BRD3OS: variants seen among roughly 807,000 people sequenced by gnomAD.
BRD3OS encodes the protein uncharacterized protein BRD3OS.
Position 134,030,092 on chromosome 9 carries a change from C to T in BRD3OS, c.*3090C>T, listed in dbSNP as rs1173292346. 1 of 152,220 alleles carries T rather than the reference C, an allele frequency of 6.6e-6. No homozygotes were observed. Among genetic ancestry groups the T allele is most frequent in the Non-Finnish European group, 1.5e-5 (1 of 68,080 alleles). The allele number at this position is 152,220 out of a possible 1,614,324, so 9.4% of individuals were successfully genotyped here. A position where few individuals can be genotyped will look rare whatever the true frequency, so the allele number is the denominator to read the frequency against. ...TGATCACAGGCACGAGCCACTGCAT[C>T]CTGCCTTTAAATGGTTTTTTGGGGC... On this transcript the variant is annotated 3_prime_UTR_variant, in exon 3 of 3. Transcript: ENST00000603928.
Position 134,026,693 on chromosome 9 carries a change from G to A in BRD3OS, c.-55G>A. 1 of 398,370 alleles carries A rather than the reference G, an allele frequency of 2.5e-6. No individual in the cohort carries two copies. Among genetic ancestry groups the A allele is most frequent in the Non-Finnish European group, 4.4e-6 (1 of 226,036 alleles). The allele number at this position is 398,370 out of a possible 1,614,324, so 24.7% of individuals were successfully genotyped here. On this transcript the variant is annotated 5_prime_UTR_variant, in exon 3 of 3. In the 5' UTR this introduces an upstream ATG that the reference lacks. Transcript: ENST00000603928. This position sits in a 1 kb window ranked among gnomAD's most constrained non-coding sequence, Gnocchi z 4.4. ...AAAGCTGTCCGTTAATTTAGTGCGCGTGGGCCGTCTCAGAACAGCAGGGTT... is the reference window on the plus strand; with the variant it reads ...AAAGCTGTCCGTTAATTTAGTGCGCATGGGCCGTCTCAGAACAGCAGGGTT...
In BRD3OS at chr9:134,028,289, T is replaced by G. The variant is rs1843457053; in HGVS notation, c.*1287T>G. 6.6e-6 allele frequency: 1 copy of G among 152,292 alleles called. No individual in the cohort carries two copies. Among genetic ancestry groups the G allele is most frequent in the Admixed American group, 6.5e-5 (1 of 15,294 alleles). The allele number at this position is 152,292 out of a possible 1,614,324, so 9.4% of individuals were successfully genotyped here. ...GGATGCGTCCCACAGCTCCTCAGCA[T>G]GCACACACGGTCACGTGATTCTGAC... On this transcript the variant is annotated 3_prime_UTR_variant, in exon 3 of 3. Coordinates refer to ENST00000603928, the MANE Select transcript of BRD3OS (RefSeq NM_001355256.2).
In BRD3OS at chr9:134,026,914, A is replaced by G. The variant is rs1843435949; in HGVS notation, c.167A>G (p.Tyr56Cys). ...SRSRSMWYSQ[Y>C]GNEAILVRDK... is the part of the protein sequence containing the mutation. ...AGCCGAAGCATGTGGTACTCACAGT[A>G]TGGAAATGAGGCCATCTTGGTCCGA... is the stretch of plus-strand genomic sequence containing the variant. The change falls in exon 3 of 3, where the codon TAT (tyrosine) becomes TGT (cysteine). Residue 56 changes from tyrosine (Y) to cysteine (C), a missense_variant. Coordinates refer to ENST00000603928, the MANE Select transcript of BRD3OS (RefSeq NM_001355256.2). This position sits in a 1 kb window ranked among gnomAD's most constrained non-coding sequence, Gnocchi z 4.4. The G allele has an allele frequency of 2.5e-6, 1 of 398,872 alleles. No homozygotes were observed. The highest frequency in any genetic ancestry group is 1.3e-4 in the South Asian group (1 of 7,866). 24.7% of individuals were successfully genotyped at this position (398,872 alleles called of 1,614,324 possible).
At position 134,026,502 on chromosome 9, in the gene BRD3OS, C is replaced by G. The variant is rs1036704251; in HGVS notation, c.-246C>G. 3.1e-6 allele frequency: 1 copy of G among 325,184 alleles called. No homozygotes were observed. The highest frequency in any genetic ancestry group is 1.6e-4 in the South Asian group (1 of 6,308). 20.1% of individuals were successfully genotyped at this position (325,184 alleles called of 1,614,324 possible). On this transcript the variant is annotated 5_prime_UTR_variant, in exon 3 of 3. Coordinates refer to ENST00000603928, the MANE Select transcript of BRD3OS (RefSeq NM_001355256.2). This position sits in a 1 kb window ranked among gnomAD's most constrained non-coding sequence, Gnocchi z 4.4. Reference sequence around the variant, plus strand: ...GGAAGAGCTGTGGCCGGGCGCCGCTCTGACCTGTGTGCGGTCCCCTGAATG... The same window carrying G: ...GGAAGAGCTGTGGCCGGGCGCCGCTGTGACCTGTGTGCGGTCCCCTGAATG...
rs972202041 is a variant in BRD3OS, at chr9:134,027,289, G to A, written c.*287G>A. 1 of 265,194 alleles carries A rather than the reference G, an allele frequency of 3.8e-6. No homozygotes were observed. Among genetic ancestry groups the A allele is most frequent in the African/African-American group, 2.2e-5 (1 of 45,640 alleles). The allele number at this position is 265,194 out of a possible 1,614,324, so 16.4% of individuals were successfully genotyped here. ...TGCTGCTAGGGACAGCATAGGCCCGGGCACTGCTAGATGCTTGGTTTAAAC... is the reference window on the plus strand; with the variant it reads ...TGCTGCTAGGGACAGCATAGGCCCGAGCACTGCTAGATGCTTGGTTTAAAC... On this transcript the variant is annotated 3_prime_UTR_variant, in exon 3 of 3. Transcript: ENST00000603928.
rs1843498002 is a variant in BRD3OS at position 134,030,649 on chromosome 9, A to C, written c.*3647A>C. The C allele has an allele frequency of 1.3e-5, 3 of 229,280 alleles. No individual in the cohort carries two copies. The Admixed American group carries it at 1.7e-4, about 13-fold the overall frequency. 14.2% of individuals were successfully genotyped at this position (229,280 alleles called of 1,614,324 possible). On this transcript the variant is annotated 3_prime_UTR_variant, in exon 3 of 3. Coordinates refer to ENST00000603928, the MANE Select transcript of BRD3OS (RefSeq NM_001355256.2). ...GAACAGTGCTACTCTGGATGTGACA[A>C]ATTCTGTATGTGGGTGTTACTCTTT...
rs577961572 is a variant in BRD3OS at position 134,030,526 on chromosome 9, A to C, written c.*3524A>C. On this transcript the variant is annotated 3_prime_UTR_variant, in exon 3 of 3. Coordinates refer to ENST00000603928, the MANE Select transcript of BRD3OS (RefSeq NM_001355256.2). ...ACTAGAAACGGCACTAAAAAGTTTA[A>C]GAAAAGTTACGGTAAACTTGCATGC... 2.4e-5 allele frequency: 5 copies of C among 210,754 alleles called. No individual in the cohort carries two copies. The highest frequency in any genetic ancestry group is 1.1e-4 in the African/African-American group (5 of 44,170). The allele number at this position is 210,754 out of a possible 1,614,324, so 13.1% of individuals were successfully genotyped here.
Position 134,029,209 on chromosome 9 carries a change from A to T in BRD3OS, c.*2207A>T, listed in dbSNP as rs956979013. On this transcript the variant is annotated 3_prime_UTR_variant, in exon 3 of 3. Transcript: ENST00000603928. ...GGCAAATCTGGAATGCCTGTGTGCC[A>T]CCTTCTCACCGCACCACAGACTCCC... is the stretch of plus-strand genomic sequence containing the variant. 2.0e-5 allele frequency: 3 copies of T among 152,288 alleles called. No homozygotes were observed. The highest frequency in any genetic ancestry group is 7.2e-5 in the African/African-American group (3 of 41,466). The allele number at this position is 152,288 out of a possible 1,614,324, so 9.4% of individuals were successfully genotyped here.
Position 134,028,848 on chromosome 9 carries a change from G to T in BRD3OS, c.*1846G>T, listed in dbSNP as rs13296849. 610 of 152,438 alleles carry T rather than the reference G, an allele frequency of 4.0e-3. 2 individuals are homozygous for T. The highest frequency in any genetic ancestry group is 6.8e-3 in the Middle Eastern group (2 of 292). 9.4% of individuals were successfully genotyped at this position (152,438 alleles called of 1,614,324 possible). ...CAGCTGTGCAAGTTCATTCGCAAAC[G>T]TCCTAGAAGTGGAACTGCTGGGTCA... is the stretch of plus-strand genomic sequence containing the variant. On this transcript the variant is annotated 3_prime_UTR_variant, in exon 3 of 3. Coordinates refer to ENST00000603928, the MANE Select transcript of BRD3OS (RefSeq NM_001355256.2).
At position 134,030,445 on chromosome 9, in the gene BRD3OS, CAAGCT is replaced by C. The variant is rs1843495643; in HGVS notation, c.*3446_*3450del. 1 of 189,286 alleles carries C rather than the reference CAAGCT, an allele frequency of 5.3e-6. No homozygotes were observed. Among genetic ancestry groups the C allele is most frequent in the Non-Finnish European group, 1.1e-5 (1 of 91,222 alleles). 11.7% of individuals were successfully genotyped at this position (189,286 alleles called of 1,614,324 possible). On this transcript the variant is annotated 3_prime_UTR_variant, in exon 3 of 3. Coordinates refer to ENST00000603928, the MANE Select transcript of BRD3OS (RefSeq NM_001355256.2). Reference sequence around the variant, plus strand: ...GTGTTGAGGCCAGCATTGCAATAAACAAGCTAAACTACTTACATTGGACTCATTTT... The same window carrying C: ...GTGTTGAGGCCAGCATTGCAATAAACAAACTACTTACATTGGACTCATTTT...
rs1843449959 is a variant in BRD3OS, at chr9:134,027,777, T to G, written c.*775T>G. On this transcript the variant is annotated 3_prime_UTR_variant, in exon 3 of 3. Transcript: ENST00000603928. ...AGCATCATGGTAGCTTCCAAGCATT[T>G]GCGGCCCACTGGCCAGTGCATCCAA... The G allele has an allele frequency of 6.6e-6, 1 of 152,382 alleles. No individual in the cohort carries two copies. Among genetic ancestry groups the G allele is most frequent in the African/African-American group, 2.4e-5 (1 of 41,584 alleles). 9.4% of individuals were successfully genotyped at this position (152,382 alleles called of 1,614,324 possible). A position where few individuals can be genotyped will look rare whatever the true frequency, so the allele number is the denominator to read the frequency against.
rs1843502606 is a variant in BRD3OS, at chr9:134,030,919, C to G, written c.*3917C>G. On this transcript the variant is annotated 3_prime_UTR_variant, in exon 3 of 3. Transcript: ENST00000603928. ...CCCCTTGAAAAAAGCATGTTAGAAG[C>G]TGCCCTACAGGTCTCAGCAGTGGGA... The G allele has an allele frequency of 8.6e-6, 2 of 231,550 alleles. No individual in the cohort carries two copies. Among genetic ancestry groups the G allele is most frequent in the Non-Finnish European group, 1.7e-5 (2 of 117,064 alleles). 14.3% of individuals were successfully genotyped at this position (231,550 alleles called of 1,614,324 possible). A position where few individuals can be genotyped will look rare whatever the true frequency, so the allele number is the denominator to read the frequency against.
At position 134,027,268 on chromosome 9, in the gene BRD3OS, G is replaced by A. The variant is rs1843441458; in HGVS notation, c.*266G>A. 1 of 292,126 alleles carries A rather than the reference G, an allele frequency of 3.4e-6. No homozygotes were observed. The highest frequency in any genetic ancestry group is 6.3e-6 in the Non-Finnish European group (1 of 159,388). The allele number at this position is 292,126 out of a possible 1,614,324, so 18.1% of individuals were successfully genotyped here. ...GTGACATTTGAATTCTCCAGGTGCT[G>A]CTAGGGACAGCATAGGCCCGGGCAC... On this transcript the variant is annotated 3_prime_UTR_variant, in exon 3 of 3. Transcript: ENST00000603928.
rs771639713 is a variant in BRD3OS, at chr9:134,030,425, G to C, written c.*3423G>C. On this transcript the variant is annotated 3_prime_UTR_variant, in exon 3 of 3. Transcript: ENST00000603928. ...TCTACCATTTTTATTCTGTTGTGTT[G>C]AGGCCAGCATTGCAATAAACAAGCT... The C allele has an allele frequency of 5.8e-6, 1 of 171,308 alleles. No individual in the cohort carries two copies. Among genetic ancestry groups the C allele is most frequent in the Non-Finnish European group, 1.2e-5 (1 of 83,684 alleles). The allele number at this position is 171,308 out of a possible 1,614,324, so 10.6% of individuals were successfully genotyped here.
Position 134,026,844 on chromosome 9 carries a change from C to T in BRD3OS, c.97C>T (p.Gln33Ter). The T allele has an allele frequency of 2.5e-6, 1 of 398,964 alleles. No homozygotes were observed. The highest frequency in any genetic ancestry group is 4.4e-6 in the Non-Finnish European group (1 of 226,088). 24.7% of individuals were successfully genotyped at this position (398,964 alleles called of 1,614,324 possible). A position where few individuals can be genotyped will look rare whatever the true frequency, so the allele number is the denominator to read the frequency against. Residue 33 changes from glutamine (Q) to a stop codon, truncating the protein, a stop_gained, in exon 3 of 3, where the codon CAG (glutamine) becomes TAG (stop). Coordinates refer to ENST00000603928, the MANE Select transcript of BRD3OS (RefSeq NM_001355256.2). LOFTEE classifies it high-confidence loss of function. The surrounding 1 kb of genome is among the most constrained non-coding windows in gnomAD (Gnocchi z 4.4). ...DTSLLIWQQQ[Q>*]QKLESVPPGT... Reference sequence around the variant, plus strand: ...CTCCTTGCTCATCTGGCAGCAGCAACAGCAGAAGTTGGAGTCGGTGCCACC... The same window carrying T: ...CTCCTTGCTCATCTGGCAGCAGCAATAGCAGAAGTTGGAGTCGGTGCCACC...
Position 134,029,967 on chromosome 9 carries a change from ATGT to A in BRD3OS, c.*2969_*2971del, listed in dbSNP as rs1416669041. The A allele has an allele frequency of 2.0e-5, 3 of 152,040 alleles. No individual in the cohort carries two copies. The highest frequency in any genetic ancestry group is 4.8e-5 in the African/African-American group (2 of 41,388). The allele number at this position is 152,040 out of a possible 1,614,324, so 9.4% of individuals were successfully genotyped here. ...TTTGATTATTATTATTTTTTAAGAG[ATGT>A]TGTCCAGGCTGGAGTGCAGTGATGC... On this transcript the variant is annotated 3_prime_UTR_variant, in exon 3 of 3. Coordinates refer to ENST00000603928, the MANE Select transcript of BRD3OS (RefSeq NM_001355256.2).
Position 134,031,264 on chromosome 9 carries a change from C to T in BRD3OS, c.*4262C>T, listed in dbSNP as rs1843507717. 4 of 210,444 alleles carry T rather than the reference C, an allele frequency of 1.9e-5. No homozygotes were observed. Among genetic ancestry groups the T allele is most frequent in the South Asian group, 1.9e-4 (1 of 5,274 alleles). 13.0% of individuals were successfully genotyped at this position (210,444 alleles called of 1,614,324 possible). ...CTGCTGCGCTGCCCCCACAGCCGGC[C>T]GCTCCCCCGACGGCTCACACAGGCA... is the stretch of plus-strand genomic sequence containing the variant. On this transcript the variant is annotated 3_prime_UTR_variant, in exon 3 of 3. Transcript: ENST00000603928.
chr9:134,027,069 G>A lies in BRD3OS; in HGVS notation c.*67G>A, dbSNP rs1228927485. The A allele has an allele frequency of 2.5e-6, 1 of 398,318 alleles. No homozygotes were observed. The highest frequency in any genetic ancestry group is 4.4e-6 in the Non-Finnish European group (1 of 226,014). The allele number at this position is 398,318 out of a possible 1,614,324, so 24.7% of individuals were successfully genotyped here. The stretch of plus-strand genomic sequence containing the variant: ...AAACAGACCTGAGTTTCATTCAGTT[G>A]TCTTGTTGATTTCCAATCCTTGCTG... On this transcript the variant is annotated 3_prime_UTR_variant, in exon 3 of 3. Transcript: ENST00000603928.
rs1843486664 is a variant in BRD3OS, at chr9:134,030,051, G to C, written c.*3049G>C. Reference sequence around the variant, plus strand: ...GGCCTCAGGCCATCCTCCTGCCTCAGCCTCCCAAAGTGCTGTGATCACAGG... The same window carrying C: ...GGCCTCAGGCCATCCTCCTGCCTCACCCTCCCAAAGTGCTGTGATCACAGG... On this transcript the variant is annotated 3_prime_UTR_variant, in exon 3 of 3. Coordinates refer to ENST00000603928, the MANE Select transcript of BRD3OS (RefSeq NM_001355256.2). 1 of 152,200 alleles carries C rather than the reference G, an allele frequency of 6.6e-6. No homozygotes were observed. The highest frequency in any genetic ancestry group is 1.5e-5 in the Non-Finnish European group (1 of 68,054). 9.4% of individuals were successfully genotyped at this position (152,200 alleles called of 1,614,324 possible).
Sources: gnomAD v4.1 joint callset for allele counts on GRCh38, gnomAD v4.1.1 for gene constraint, Gnocchi (gnomAD v3.1) non-coding constraint, MANE v1.5 for transcripts, NCBI Gene and HGNC (gene_info 2026-07-23, HGNC 2026-07-21) for gene names.